The following RAB6B variants were observed in gnomAD, a reference collection of about 807,000 sequenced individuals.
The protein encoded by RAB6B is ras-related protein Rab-6B.
Under a neutral mutation model 31.2 loss-of-function variants are expected in RAB6B, and 7 were observed. The observed-to-expected ratio is 0.22, with a 90% CI of 0.13 to 0.42. The LOEUF (loss-of-function observed/expected upper bound fraction) is 0.42, where lower values mean the gene tolerates loss of function less well. RAB6B is among the 10% of genes least tolerant of loss of function. The probability of loss-of-function intolerance (pLI) is 1.00; values close to 1 mark genes in which losing one functional copy is unlikely to be tolerated. For missense variants in RAB6B, 149 were observed against 280.6 expected (o/e 0.53, Z 3.35); for synonymous variants, 105 against 104.9 (o/e 1.00, Z -0.01).
intron 7 of RAB6B, among the ~76,000 whole-genome samples, chr3:133,830,278 CA>C (rs1293738824): frequency 1.3e-5 from 2 of 152,260 alleles, no homozygotes; most frequent in African/African-American, 4.8e-5. Flanking sequence ...TCTCTCTCAG[CA>C]TGGTGGCTTC....
At position 133,838,193 on chromosome 3, in the gene RAB6B, A is replaced by G. The variant is rs775109707; in HGVS notation, c.468T>C (p.Ser156=). 1.7e-5 allele frequency: 27 copies of G among 1,614,028 alleles called. No homozygotes were observed. In the South Asian group the frequency reaches 2.9e-4, roughly 17 times the overall value. Residue 156 remains serine (S), a synonymous_variant, in exon 6 of 8, where the codon AGT becomes AGC. Coordinates refer to ENST00000285208, the MANE Select transcript of RAB6B (RefSeq NM_016577.4). ...KELSVMFIET[S]AKTGYNVKQL... ...GCTTCACGTTGTAGCCAGTCTTCGC[A>G]CTGGTCTCAATGAACATGACGCTCA...
intron 1 of RAB6B, among the ~76,000 whole-genome samples, chr3:133,867,837 T>A (rs1936259074): frequency 6.6e-6 from 1 of 152,166 alleles, no homozygotes; most frequent in African/African-American, 2.4e-5. Context: ...GACTCATTCT[T>A]ACTTTGCTGC....
chr3:133,839,685 G>A (rs1464243200), intron 4 of RAB6B, 68 bp from the exon 5 acceptor site: 13 of 1,192,380 alleles, frequency 1.1e-5, no homozygotes, highest in African/African-American at 3.0e-5. Flanking sequence ...GGAAGGGGAG[G>A]TGTGAGCCAG....
chr3:133,876,953 G>A (rs1297693325), intron 1 of RAB6B, among the ~76,000 whole-genome samples: 1 of 152,054 alleles, frequency 6.6e-6, no homozygotes, highest in Non-Finnish European at 1.5e-5. Flanking sequence ...GGAGTAACAG[G>A]GACCAGATTT....
chr3:133,849,464 C>G (rs548838862), intron 2 of RAB6B, among the ~76,000 whole-genome samples: 33 of 152,300 alleles, frequency 2.2e-4, no homozygotes, highest in Admixed American at 8.5e-4. Flanking sequence ...TAATCAGAGT[C>G]TGGGGAGGTT....
Position 133,838,154 on chromosome 3 carries a change from G to C in RAB6B, c.495+12C>G, listed in dbSNP as rs1559900627. ...GGCCCCGTGCCGGGCCCCGTGCCAGGTGTGTCCTCACCTGCTTCACGTTGT... is the reference window on the plus strand; with the variant it reads ...GGCCCCGTGCCGGGCCCCGTGCCAGCTGTGTCCTCACCTGCTTCACGTTGT... On this transcript the variant is annotated intron_variant, in intron 6 of 7. Transcript: ENST00000285208. The C allele has an allele frequency of 1.9e-6, 3 of 1,610,344 alleles. No individual in the cohort carries two copies. Among genetic ancestry groups the C allele is most frequent in the Non-Finnish European group, 2.5e-6 (3 of 1,177,006 alleles).
chr3:133,889,125 T>C (rs1364869366), intron 1 of RAB6B, among the ~76,000 whole-genome samples: 1 of 152,146 alleles, frequency 6.6e-6, no homozygotes, highest in Non-Finnish European at 1.5e-5. Context: ...CCAGTGGTTC[T>C]GTCCAATAAT....
At chr3:133,892,894 G>A (rs1207775849) in intron 1 of RAB6B, among the ~76,000 whole-genome samples, 4 of 152,244 alleles carry the variant, frequency 2.6e-5, no homozygotes, top group South Asian at 2.1e-4. Context: ...AGCGGCTGTG[G>A]AGGTGACTCC....
chr3:133,884,073 G>A (rs1292401116), intron 1 of RAB6B, among the ~76,000 whole-genome samples: 1 of 148,542 alleles, frequency 6.7e-6, no homozygotes, highest in Non-Finnish European at 1.5e-5. Context: ...TCACAACCTG[G>A]CACTGCTCAA....
chr3:133,895,255 CGACCT>C, intron 1 of RAB6B, 137 bp downstream of exon 1: 1 of 873,980 alleles, frequency 1.1e-6, no homozygotes, highest in Non-Finnish European at 1.7e-6. Context: ...GACCCCGCCC[CGACCT>C]CCCCATCCCT....
At chr3:133,882,311 G>A (rs1936479866) in intron 1 of RAB6B, among the ~76,000 whole-genome samples, 1 of 152,200 alleles carries the variant, frequency 6.6e-6, no homozygotes, top group South Asian at 2.1e-4. Flanking sequence ...AACATAACCT[G>A]ATTGAAGGAA....
At chr3:133,831,371 G>A (rs1935654078) in intron 7 of RAB6B, among the ~76,000 whole-genome samples, 1 of 152,218 alleles carries the variant, frequency 6.6e-6, no homozygotes, top group Non-Finnish European at 1.5e-5. Context: ...TATCTGCACT[G>A]TCCAAGATGT....
chr3:133,877,439 C>T (rs578167713), intron 1 of RAB6B, among the ~76,000 whole-genome samples: 3 of 152,232 alleles, frequency 2.0e-5, no homozygotes, highest in East Asian at 1.9e-4. Context: ...TCATCATTTA[C>T]GGGATGCTGG....
At chr3:133,841,485 C>T in intron 3 of RAB6B, 95 bp from the exon 4 acceptor site, 1 of 1,532,988 alleles carries the variant, frequency 6.5e-7, no homozygotes, top group South Asian at 1.1e-5. Flanking sequence ...CTCTGCAATG[C>T]TGGCATCACC....
At chr3:133,869,176 A>G (rs1414245650) in intron 1 of RAB6B, among the ~76,000 whole-genome samples, 1 of 152,192 alleles carries the variant, frequency 6.6e-6, no homozygotes, top group East Asian at 1.9e-4. Context: ...AGGGAGAGAA[A>G]ACACTCGTGA....
At chr3:133,839,665 G>C (rs1464610623) in intron 4 of RAB6B, 48 bp from the exon 5 acceptor site, 2 of 1,395,346 alleles carry the variant, frequency 1.4e-6, no homozygotes, top group African/African-American at 2.8e-5. Context: ...CCAGCCACCA[G>C]TGGGAGATGG....
At chr3:133,833,437 C>CG (rs1429170813) in intron 7 of RAB6B, among the ~76,000 whole-genome samples, 2 of 152,050 alleles carry the variant, frequency 1.3e-5, no homozygotes, top group African/African-American at 4.8e-5. Flanking sequence ...CTGACCCCCC[C>CG]GGGGGGTGGG....
chr3:133,828,843 A>G lies in RAB6B; in HGVS notation c.572T>C (p.Ile191Thr). 1.2e-6 allele frequency: 2 copies of G among 1,612,686 alleles called. No individual in the cohort carries two copies. The highest frequency in any genetic ancestry group is 1.7e-6 in the Non-Finnish European group (2 of 1,179,164). The stretch of plus-strand genomic sequence containing the variant: ...GGGCTCCTGGGGTTTGTCCAGCTTG[A>G]TGTCGATCACTGCAGGGGGACGGGC... ...QEKSKEGMID[I>T]KLDKPQEPPA... Residue 191 changes from isoleucine (I) to threonine (T), a missense_variant, in exon 8 of 8, where the codon ATC becomes ACC. Coordinates refer to ENST00000285208, the MANE Select transcript of RAB6B (RefSeq NM_016577.4).
Position 133,828,951 on chromosome 3 carries a change from G to T in RAB6B, c.563-99C>A, listed in dbSNP as rs2293372. The stretch of plus-strand genomic sequence containing the variant: ...CCTTTGGCTACTGCTCTGTTTCTCT[G>T]CAAACACCTAGGGACTTGGCTCTTG... On this transcript the variant is annotated intron_variant, in intron 7 of 7. Transcript: ENST00000285208. The T allele has an allele frequency of 2.4e-4, 278 of 1,145,650 alleles. 3 individuals are homozygous for T. In the East Asian group the frequency reaches 6.3e-3, roughly 26 times the overall value. 71.0% of individuals were successfully genotyped at this position (1,145,650 alleles called of 1,614,324 possible). A position where few individuals can be genotyped will look rare whatever the true frequency, so the allele number is the denominator to read the frequency against.
Sources: allele counts gnomAD v4.1 joint callset (sites outside exome capture counted in the v4.1 genomes callset), GRCh38; gene constraint gnomAD v4.1.1; transcripts MANE v1.5; gene names NCBI Gene and HGNC (gene_info 2026-07-23, HGNC 2026-07-21).